NKAIN3: variants seen among roughly 807,000 people sequenced by gnomAD.
The protein encoded by NKAIN3 is sodium/potassium transporting ATPase interacting 3.
NKAIN3 carries 25 observed loss-of-function variants against 30.2 expected under a neutral mutation model. The ratio of observed to expected loss-of-function variants is 0.83; its 90% CI spans 0.60 to 1.16. NKAIN3 has a LOEUF of 1.16. Among genes scored for constraint, NKAIN3 ranks in the 50% most tolerant of loss-of-function variants. The probability of loss-of-function intolerance (pLI) is 0.00; values close to 1 mark genes in which losing one functional copy is unlikely to be tolerated. For missense variants in NKAIN3, 225 were observed against 254.1 expected, an observed-to-expected ratio of 0.89 and a Z score of 0.78; for synonymous variants, 91 against 89.6, an observed-to-expected ratio of 1.02 and a Z score of -0.09.
chr8:62,681,526 G>C (rs1483389143), intron 3 of NKAIN3, among the ~76,000 whole-genome samples: 2 of 152,090 alleles, frequency 1.3e-5, no homozygotes, highest in Non-Finnish European at 2.9e-5. Context: ...TTCTGGAGTG[G>C]TATAAGAAAA....
chr8:62,597,152 T>A (rs1300329986), intron 3 of NKAIN3, among the ~76,000 whole-genome samples: 2 of 152,098 alleles, frequency 1.3e-5, no homozygotes, highest in Non-Finnish European at 2.9e-5. Context: ...TGCAAGCTGG[T>A]CCCTCGGACC....
intron 1 of NKAIN3, among the ~76,000 whole-genome samples, chr8:62,403,247 T>G (rs1024445274): frequency 6.6e-6 from 1 of 152,178 alleles, no homozygotes; most frequent in African/African-American, 2.4e-5. Context: ...GCCTAAAAGT[T>G]TGGAAATTTT....
At chr8:62,285,238 G>C (rs1426190543) in intron 1 of NKAIN3, among the ~76,000 whole-genome samples, 2 of 152,184 alleles carry the variant, frequency 1.3e-5, no homozygotes, top group Non-Finnish European at 2.9e-5. Context: ...TTGATCTGAA[G>C]TTGCCAGCTA....
chr8:62,263,988 C>A (rs1199267224), intron 1 of NKAIN3, among the ~76,000 whole-genome samples: 2 of 151,990 alleles, frequency 1.3e-5, no homozygotes, highest in Admixed American at 6.6e-5. Context: ...TATTGGAATG[C>A]CTAAATATAG....
intron 1 of NKAIN3, among the ~76,000 whole-genome samples, chr8:62,538,323 C>T (rs1295848856): frequency 2.0e-5 from 3 of 152,024 alleles, no homozygotes; most frequent in Non-Finnish European, 4.4e-5. Flanking sequence ...CATAGGCACC[C>T]ACCACTACAC....
intron 4 of NKAIN3, among the ~76,000 whole-genome samples, chr8:62,849,446 G>A (rs1819802713): frequency 6.6e-6 from 1 of 151,304 alleles, no homozygotes; most frequent in Non-Finnish European, 1.5e-5. Context: ...CTTTTTTTAT[G>A]GAAATTTTTT....
intron 1 of NKAIN3, among the ~76,000 whole-genome samples, chr8:62,307,267 CAA>C (rs10598782): frequency 0.022 from 2,390 of 107,804 alleles, 200 homozygotes; most frequent in African/African-American, 0.075. Flanking sequence ...TCTCTTCTAG[CAA>C]AAAAAAAAAA....
At chr8:62,828,081 TA>T (rs199884937) in intron 4 of NKAIN3, among the ~76,000 whole-genome samples, 12,480 of 147,354 alleles carry the variant, frequency 0.085, 564 homozygotes, top group South Asian at 0.14. Context: ...TACTCAGTAG[TA>T]AAAAAAAAAA....
chr8:62,981,204 A>T lies in NKAIN3; in HGVS notation c.*15797A>T, dbSNP rs1824066160. 6.6e-6 allele frequency: 1 copy of T among 152,146 alleles called. No individual in the cohort carries two copies. 9.4% of individuals were successfully genotyped at this position (152,146 alleles called of 1,614,324 possible). On this transcript the variant is annotated 3_prime_UTR_variant, in exon 7 of 7. Coordinates refer to ENST00000623646, the MANE Select transcript of NKAIN3 (RefSeq NM_001304533.3). Reference sequence around the variant, plus strand: ...TTCTGCCTAAGCCTCTTATTTCCACATCTATAAGTATAGTGCTACATAATA... The same window carrying T: ...TTCTGCCTAAGCCTCTTATTTCCACTTCTATAAGTATAGTGCTACATAATA...
chr8:62,328,045 T>C (rs1815203008), intron 1 of NKAIN3, among the ~76,000 whole-genome samples: 1 of 152,108 alleles, frequency 6.6e-6, no homozygotes, highest in African/African-American at 2.4e-5. Flanking sequence ...ACTGGTTTGA[T>C]CCAACTTTGC....
At chr8:62,347,005 A>G (rs1274614847) in intron 1 of NKAIN3, among the ~76,000 whole-genome samples, 1 of 152,130 alleles carries the variant, frequency 6.6e-6, no homozygotes, top group Non-Finnish European at 1.5e-5. Flanking sequence ...AATAGTGAAT[A>G]AAGGTTTGGT....
chr8:62,728,353 C>T (rs900630567), intron 3 of NKAIN3, among the ~76,000 whole-genome samples: 1 of 151,974 alleles, frequency 6.6e-6, no homozygotes, highest in Non-Finnish European at 1.5e-5. Flanking sequence ...ATTGAAAATC[C>T]GGACTTCAAT....
Position 62,968,431 on chromosome 8 carries a change from G to A in NKAIN3, c.*3024G>A, listed in dbSNP as rs1823759156. Among the ~76,000 whole-genome samples the A allele has an allele frequency of 6.6e-6, 1 of 152,196 alleles. No individual in the cohort carries two copies. Among genetic ancestry groups the A allele is most frequent in the Admixed American group, 6.5e-5 (1 of 15,278 alleles). ...CAAAGACATGGTCACTACATGCACT[G>A]TATGTTCTTGCCAAACCTCAGCTTC... On this transcript the variant is annotated 3_prime_UTR_variant, in exon 7 of 7. Transcript: ENST00000623646.
At position 62,761,341 on chromosome 8, in the gene NKAIN3, G is replaced by C. The variant is rs376261796; in HGVS notation, c.471+14212G>C. Among the ~76,000 whole-genome samples the C allele has an allele frequency of 6.4e-3, 973 of 152,166 alleles. 10 individuals carry two copies. Among genetic ancestry groups the C allele is most frequent in the African/African-American group, 0.022 (912 of 41,512 alleles). On this transcript the variant is annotated intron_variant, in intron 4 of 6. Transcript: ENST00000623646. ...GGTTTGCTGCTTATCCTGGGGAGGT[G>C]GGGGAGGACGGGGGTGGATTGGTCA...
intron 1 of NKAIN3, among the ~76,000 whole-genome samples, chr8:62,441,061 A>G (rs965615956): frequency 1.3e-5 from 2 of 152,082 alleles, no homozygotes; most frequent in South Asian, 4.1e-4. Context: ...TTTGTTTGCT[A>G]TCCTATTTCT....
intron 4 of NKAIN3, among the ~76,000 whole-genome samples, chr8:62,845,824 A>G (rs1332972571): frequency 6.6e-6 from 1 of 152,126 alleles, no homozygotes; most frequent in Non-Finnish European, 1.5e-5. Flanking sequence ...TGTTCTGACC[A>G]ATCCTTTTTG....
At chr8:62,493,841 A>ATAGGAATG in intron 1 of NKAIN3, among the ~76,000 whole-genome samples, 1 of 152,176 alleles carries the variant, frequency 6.6e-6, no homozygotes, top group Middle Eastern at 3.4e-3. Flanking sequence ...CTGTTGGTGT[A>ATAGGAATG]TAGGAATGCT....
chr8:62,718,244 A>T (rs917009605), intron 3 of NKAIN3, among the ~76,000 whole-genome samples: 3 of 152,158 alleles, frequency 2.0e-5, no homozygotes, highest in Admixed American at 1.3e-4. Flanking sequence ...GCACAGCCAA[A>T]CCATATCATA....
At chr8:62,687,560 T>A (rs1226603405) in intron 3 of NKAIN3, among the ~76,000 whole-genome samples, 1 of 152,178 alleles carries the variant, frequency 6.6e-6, no homozygotes, top group East Asian at 1.9e-4. Flanking sequence ...AGATGTGTTC[T>A]CTTGTATTCC....
Sources: gnomAD v4.1 joint callset for allele counts (sites outside exome capture counted in the v4.1 genomes callset) on GRCh38, gnomAD v4.1.1 for gene constraint, MANE v1.5 for transcripts, NCBI Gene and HGNC (gene_info 2026-07-23, HGNC 2026-07-21) for gene names.